NEK10: variants seen among roughly 807,000 people sequenced by gnomAD.
NEK10 encodes NIMA related kinase 10.
In NEK10, 122 loss-of-function variants were observed where a neutral mutation model predicts 159.8. The ratio of observed to expected loss-of-function variants is 0.76; its 90% confidence interval spans 0.66 to 0.89. The LOEUF (loss-of-function observed/expected upper bound fraction) is 0.89. NEK10 is among the 40% of genes least tolerant of loss of function. The pLI, the probability that NEK10 is intolerant of heterozygous loss-of-function variation, is 0.00. For missense variants in NEK10, 1,342 were observed against 1,323.1 expected (o/e 1.01, Z -0.22); for synonymous variants, 466 against 457.1 (o/e 1.02, Z -0.25).
chr3:27,277,949 T>C (rs1227123638), intron 22 of NEK10, among the ~76,000 whole-genome samples: 2 of 152,218 alleles, frequency 1.3e-5, no homozygotes, highest in South Asian at 4.1e-4. Context: ...AATGGACATG[T>C]AGCATTAGCA....
intron 1 of NEK10, among the ~76,000 whole-genome samples, chr3:27,354,894 G>A (rs1376666563): frequency 6.6e-6 from 1 of 152,090 alleles, no homozygotes; most frequent in African/African-American, 2.4e-5. Flanking sequence ...TAACTCCCCA[G>A]GCACTCCTCT....
chr3:27,334,603 C>T (rs1192954335), intron 5 of NEK10, among the ~76,000 whole-genome samples: 1 of 152,182 alleles, frequency 6.6e-6, no homozygotes, highest in African/African-American at 2.4e-5. Flanking sequence ...CAGCCTAAGC[C>T]ACTGGGGAAA....
rs113999720 is a variant in NEK10, at chr3:27,342,322, A to G, written c.362+1950T>C. ...AGTCTAAAGTTAGAAGGGAAGAAAA[A>G]AAAGGAGGGATGATCCTGGCTATTT... On this transcript the variant is annotated intron_variant, in intron 5 of 35. Coordinates refer to ENST00000691995, the MANE Select transcript of NEK10 (RefSeq NM_001394966.1). Among the ~76,000 whole-genome samples, 901 of 152,262 alleles carry G rather than the reference A, an allele frequency of 5.9e-3. 3 individuals are homozygous for G. Among genetic ancestry groups the G allele is most frequent in the African/African-American group, 0.021 (856 of 41,564 alleles).
chr3:27,125,177 G>A (rs1278907244), intron 32 of NEK10, among the ~76,000 whole-genome samples: 2 of 152,062 alleles, frequency 1.3e-5, no homozygotes, highest in African/African-American at 4.8e-5. Context: ...AGCAAGTATT[G>A]AGCAATTTTA....
intron 31 of NEK10, among the ~76,000 whole-genome samples, chr3:27,134,656 A>G (rs1334713589): frequency 2.0e-5 from 3 of 152,200 alleles, no homozygotes; most frequent in Non-Finnish European, 4.4e-5. Context: ...TTAAGCCTCA[A>G]AAACTCATTT....
At chr3:27,362,200 AG>A (rs1395291694) in intron 1 of NEK10, among the ~76,000 whole-genome samples, 3 of 152,196 alleles carry the variant, frequency 2.0e-5, no homozygotes, top group African/African-American at 7.2e-5. Flanking sequence ...CAGTGAACAC[AG>A]GGATGCAGGC....
intron 22 of NEK10, among the ~76,000 whole-genome samples, chr3:27,275,760 A>G (rs62255585): frequency 0.27 from 40,416 of 152,022 alleles, 5,518 homozygotes; most frequent in Middle Eastern, 0.38. Flanking sequence ...TAATGACACA[A>G]ATTTCTCAGC....
At chr3:27,293,723 A>T in intron 15 of NEK10, 71 bp from the exon 16 acceptor site, 1 of 827,998 alleles carries the variant, frequency 1.2e-6, no homozygotes, top group Non-Finnish European at 2.0e-6. Flanking sequence ...GGAAAGAATT[A>T]ACAGGAAGTA....
rs1226875513 is a variant in NEK10, at chr3:27,218,785, A to T, written c.2091-16228T>A. Among the ~76,000 whole-genome samples the T allele has an allele frequency of 2.6e-5, 4 of 151,378 alleles. No individual in the cohort carries two copies. In the East Asian group the frequency reaches 7.7e-4, roughly 29 times the overall value. On this transcript the variant is annotated intron_variant, in intron 23 of 35. Coordinates refer to ENST00000691995, the MANE Select transcript of NEK10 (RefSeq NM_001394966.1). ...CATCTTAGTAAATGCAGACAAGAGCATTTGACGAAGTCCAACTGTCTTTCG... is the reference window on the plus strand; with the variant it reads ...CATCTTAGTAAATGCAGACAAGAGCTTTTGACGAAGTCCAACTGTCTTTCG...
intron 25 of NEK10, among the ~76,000 whole-genome samples, chr3:27,193,756 C>G (rs921021087): frequency 6.6e-6 from 1 of 151,872 alleles, no homozygotes; most frequent in Non-Finnish European, 1.5e-5. Flanking sequence ...TATCCTGAGC[C>G]CCTTTTGTAC....
chr3:27,110,897 C>G lies in NEK10; in HGVS notation c.*375G>C, dbSNP rs1939438130. 1.2e-5 allele frequency: 2 copies of G among 165,482 alleles called. No individual in the cohort carries two copies. Among genetic ancestry groups the G allele is most frequent in the Non-Finnish European group, 2.6e-5 (2 of 77,144 alleles). The allele number at this position is 165,482 out of a possible 1,614,324, so 10.3% of individuals were successfully genotyped here. A position where few individuals can be genotyped will look rare whatever the true frequency, so the allele number is the denominator to read the frequency against. On this transcript the variant is annotated 3_prime_UTR_variant, in exon 36 of 36. Coordinates refer to ENST00000691995, the MANE Select transcript of NEK10 (RefSeq NM_001394966.1). ...ATATACTTTTAGCAATTCTGAGTAT[C>G]AAATGTGCCTTTGAAAAATATGACA...
At chr3:27,282,577 ATATATACATAACTGTGT>A (rs1174520408) in intron 22 of NEK10, among the ~76,000 whole-genome samples, 18 of 146,724 alleles carry the variant, frequency 1.2e-4, no homozygotes, top group African/African-American at 2.3e-4. Context: ...TGTGTTATAT[ATATATACATAACTGTGT>A]TATATATATA....
At chr3:27,327,427 A>C (rs2046083852) in intron 5 of NEK10, among the ~76,000 whole-genome samples, 1 of 152,220 alleles carries the variant, frequency 6.6e-6, no homozygotes, top group Non-Finnish European at 1.5e-5. Context: ...AATACATGGC[A>C]GCGTGATCAG....
In NEK10 at chr3:27,231,011, G is replaced by C. The variant is rs138603360; in HGVS notation, c.2090+25285C>G. On this transcript the variant is annotated intron_variant, in intron 23 of 35. Transcript: ENST00000691995. ...CTTAAACTATATCCTAGAACAAATG[G>C]ACTTAACAGGTATTTACAGAACACT... Among the ~76,000 whole-genome samples the C allele has an allele frequency of 1.2e-3, 182 of 151,944 alleles. 2 individuals are homozygous for C. In the East Asian group the frequency reaches 0.029, roughly 24 times the overall value.
chr3:27,331,363 C>A (rs2046411075), intron 5 of NEK10, among the ~76,000 whole-genome samples: 1 of 151,602 alleles, frequency 6.6e-6, no homozygotes. Flanking sequence ...TCTGAACTAT[C>A]TGACAGGCTT....
intron 30 of NEK10, among the ~76,000 whole-genome samples, chr3:27,145,433 G>T (rs1944207865): frequency 6.6e-6 from 1 of 152,038 alleles, no homozygotes; most frequent in South Asian, 2.1e-4. Context: ...AAACTTAGAA[G>T]GAAACTACGA....
At chr3:27,134,540 A>G (rs923589717) in intron 31 of NEK10, among the ~76,000 whole-genome samples, 24 of 152,208 alleles carry the variant, frequency 1.6e-4, no homozygotes, top group African/African-American at 5.3e-4. Context: ...GGAAGCTATG[A>G]GTATCAGATT....
intron 23 of NEK10, among the ~76,000 whole-genome samples, chr3:27,246,928 T>A (rs1051700022): frequency 2.6e-5 from 4 of 152,252 alleles, no homozygotes; most frequent in Non-Finnish European, 5.9e-5. Context: ...ATAGAAATGC[T>A]ACTGCTTTTT....
At chr3:27,158,673 A>C (rs1015841533) in intron 30 of NEK10, among the ~76,000 whole-genome samples, 1 of 152,184 alleles carries the variant, frequency 6.6e-6, no homozygotes, top group African/African-American at 2.4e-5. Context: ...GTGCTGTCTA[A>C]ATAAAAACCT....
Sources: gnomAD v4.1 joint callset for allele counts (sites outside exome capture counted in the v4.1 genomes callset) on GRCh38, gnomAD v4.1.1 for gene constraint, MANE v1.5 for transcripts, NCBI Gene and HGNC (gene_info 2026-07-23, HGNC 2026-07-21) for gene names.